CNTN6: variants seen among roughly 807,000 people sequenced by gnomAD.
The protein encoded by CNTN6 is contactin 6.
Under a neutral mutation model 122.8 loss-of-function variants are expected in CNTN6, and 137 were observed. That is an observed-to-expected ratio of 1.12 (90% CI 0.97 to 1.29). CNTN6 has a LOEUF of 1.29. Ranked by LOEUF, CNTN6 falls within the 50% of genes most tolerant of loss-of-function variation. The pLI is 0.00. For missense variants in CNTN6, 1,634 were observed against 1,223.4 expected, an observed-to-expected ratio of 1.34 and a Z score of -5.01; for synonymous variants, 570 against 426.0, an observed-to-expected ratio of 1.34 and a Z score of -4.16.
At chr3:1,276,833 G>T (rs943288877) in intron 4 of CNTN6, among the ~76,000 whole-genome samples, 1 of 152,146 alleles carries the variant, frequency 6.6e-6, no homozygotes, top group African/African-American at 2.4e-5. Context: ...ATCTAAAGTT[G>T]ACGTTCCAGA....
intron 4 of CNTN6, among the ~76,000 whole-genome samples, chr3:1,256,883 C>G (rs575966633): frequency 6.6e-6 from 1 of 151,952 alleles, no homozygotes; most frequent in African/African-American, 2.4e-5. Context: ...CAATTATATC[C>G]GAACAGTAGA....
chr3:1,330,632 C>T (rs1001600694), intron 11 of CNTN6, among the ~76,000 whole-genome samples: 30 of 151,908 alleles, frequency 2.0e-4, no homozygotes, highest in African/African-American at 4.8e-4. Context: ...ATCAGATATG[C>T]AATTAAATCC....
chr3:1,253,640 A>G (rs55934171), intron 4 of CNTN6, among the ~76,000 whole-genome samples: 8,354 of 152,238 alleles, frequency 0.055, 327 homozygotes, highest in East Asian at 0.14. Context: ...TTCAGCAGGT[A>G]TTAGATTCTC....
chr3:1,330,206 A>C (rs997381825), intron 11 of CNTN6, among the ~76,000 whole-genome samples: 1 of 151,896 alleles, frequency 6.6e-6, no homozygotes, highest in Non-Finnish European at 1.5e-5. Context: ...CTTTTTCTAC[A>C]TTCAGTTTGA....
chr3:1,372,133 C>T (rs144175642), intron 12 of CNTN6, among the ~76,000 whole-genome samples, 166 bp from the exon 13 acceptor site: 66 of 152,074 alleles, frequency 4.3e-4, no homozygotes, highest in African/African-American at 1.4e-3. Flanking sequence ...ATAATAAATA[C>T]AAGACATTTA....
chr3:1,169,753 T>C (rs959044742), intron 2 of CNTN6, among the ~76,000 whole-genome samples: 2 of 152,250 alleles, frequency 1.3e-5, no homozygotes, highest in Non-Finnish European at 2.9e-5. Context: ...CTTCTCACTA[T>C]GCTAATCAGA....
At chr3:1,271,264 C>T (rs901595060) in intron 4 of CNTN6, among the ~76,000 whole-genome samples, 7 of 152,152 alleles carry the variant, frequency 4.6e-5, no homozygotes, top group Non-Finnish European at 8.8e-5. Flanking sequence ...TCTGGTGTGA[C>T]AGCAGGAGCA....
intron 2 of CNTN6, among the ~76,000 whole-genome samples, chr3:1,197,357 G>A (rs890993007): frequency 1.3e-5 from 2 of 152,176 alleles, no homozygotes; most frequent in Non-Finnish European, 2.9e-5. Context: ...AGGGATAGAG[G>A]TGGCAGCAAT....
intron 4 of CNTN6, among the ~76,000 whole-genome samples, chr3:1,233,457 C>T (rs1468487827): frequency 1.3e-5 from 2 of 152,100 alleles, no homozygotes; most frequent in East Asian, 1.9e-4. Flanking sequence ...AGTTTGAAGC[C>T]AGGCGCGGTG....
At chr3:1,316,733 A>T (rs1013228202) in intron 7 of CNTN6, among the ~76,000 whole-genome samples, 3 of 129,100 alleles carry the variant, frequency 2.3e-5, no homozygotes, top group African/African-American at 7.7e-5. Flanking sequence ...AATTGTTATT[A>T]TTATTATTAA....
chr3:1,359,989 C>T (rs537378580), intron 12 of CNTN6, among the ~76,000 whole-genome samples: 5 of 152,030 alleles, frequency 3.3e-5, no homozygotes, highest in Non-Finnish European at 5.9e-5. Context: ...TGTGTGTTGA[C>T]GCTCCATTGC....
At chr3:1,193,456 T>C (rs974676292) in intron 2 of CNTN6, among the ~76,000 whole-genome samples, 3 of 152,284 alleles carry the variant, frequency 2.0e-5, no homozygotes, top group Middle Eastern at 3.4e-3. Context: ...AGAATAATAG[T>C]AGTGCCTTCT....
chr3:1,258,127 C>G (rs997306203), intron 4 of CNTN6, among the ~76,000 whole-genome samples: 7 of 152,054 alleles, frequency 4.6e-5, no homozygotes, highest in African/African-American at 1.7e-4. Flanking sequence ...ACAACAAAGC[C>G]AATTCTGGTC....
intron 5 of CNTN6, among the ~76,000 whole-genome samples, chr3:1,278,898 T>C (rs1441678093): frequency 1.3e-5 from 2 of 152,210 alleles, no homozygotes; most frequent in South Asian, 2.1e-4. Context: ...GTTTGTTTGT[T>C]TGTTTGTTCA....
chr3:1,362,638 G>A, intron 12 of CNTN6, among the ~76,000 whole-genome samples: 1 of 152,062 alleles, frequency 6.6e-6, no homozygotes, highest in South Asian at 2.1e-4. Flanking sequence ...GGGAAAGACA[G>A]AAAGTATCAT....
At chr3:1,208,689 T>C (rs1404783366) in intron 2 of CNTN6, among the ~76,000 whole-genome samples, 1 of 152,136 alleles carries the variant, frequency 6.6e-6, no homozygotes, top group Non-Finnish European at 1.5e-5. Flanking sequence ...CTTTAGCTAT[T>C]TGATATTGAA....
rs552077275 is a variant in CNTN6, at chr3:1,103,068, C to T, written c.-83+9948C>T. Among the ~76,000 whole-genome samples, 115 of 151,706 alleles carry T rather than the reference C, an allele frequency of 7.6e-4. 1 individual carries two copies. Among genetic ancestry groups the T allele is most frequent in the African/African-American group, 2.1e-3 (87 of 41,348 alleles). Reference sequence around the variant, plus strand: ...TTGCAGTGAGCCAAGATGGCGCCACCGCACTCCAGCCTGGGCGACAGAGCC... The same window carrying T: ...TTGCAGTGAGCCAAGATGGCGCCACTGCACTCCAGCCTGGGCGACAGAGCC... On this transcript the variant is annotated intron_variant, in intron 1 of 22. Transcript: ENST00000446702.
rs73818536 is a variant in CNTN6, at chr3:1,276,761, G to A, written c.359-1652G>A. On this transcript the variant is annotated intron_variant, in intron 4 of 22. Transcript: ENST00000446702. ...TTAGGGTAAAAAGTTAAACTGATGC[G>A]ACAGAGACCCCAAAACAAATGCCTC... is the stretch of plus-strand genomic sequence containing the variant. Among the ~76,000 whole-genome samples, 1,149 of 152,130 alleles carry A rather than the reference G, an allele frequency of 7.6e-3. 9 individuals are homozygous for A. Among genetic ancestry groups the A allele is most frequent in the African/African-American group, 0.025 (1,054 of 41,498 alleles).
At chr3:1,369,302 G>T (rs370362359) in intron 12 of CNTN6, among the ~76,000 whole-genome samples, 32 of 151,488 alleles carry the variant, frequency 2.1e-4, no homozygotes, top group African/African-American at 7.0e-4. Flanking sequence ...TAACTAATAT[G>T]ATTGGATTCA....
Sources: gnomAD v4.1 joint callset for allele counts (sites outside exome capture counted in the v4.1 genomes callset) on GRCh38, gnomAD v4.1.1 for gene constraint, MANE v1.5 for transcripts, NCBI Gene and HGNC (gene_info 2026-07-23, HGNC 2026-07-21) for gene names.